Variants in ATP13A5 observed in about 807,000 individuals in gnomAD.
The protein encoded by ATP13A5 is ATPase 13A5, also known as probable cation-transporting ATPase 13A5.
ATP13A5 carries 149 observed loss-of-function variants against 150.2 expected under a neutral mutation model. The ratio of observed to expected loss-of-function variants is 0.99; its 90% CI spans 0.87 to 1.14. The LOEUF is 1.14. Ranked by LOEUF, ATP13A5 falls within the 50% of genes most tolerant of loss-of-function variation. The pLI, the probability that ATP13A5 is intolerant of heterozygous loss-of-function variation, is 0.00. For missense variants in ATP13A5, 1,383 were observed against 1,449.3 expected (o/e 0.95, Z 0.74); for synonymous variants, 497 against 522.2 (o/e 0.95, Z 0.66).
intron 9 of ATP13A5, among the ~76,000 whole-genome samples, chr3:193,341,713 T>A (rs1337423417): frequency 6.6e-6 from 1 of 152,218 alleles, no homozygotes; most frequent in Admixed American, 6.5e-5. Context: ...GACAACTGTC[T>A]GACTCATATT....
intron 27 of ATP13A5, 135 bp downstream of exon 27, chr3:193,284,779 T>A: frequency 1.3e-6 from 1 of 742,956 alleles, no homozygotes; most frequent in Non-Finnish European, 2.2e-6. Context: ...CGATGACCAC[T>A]GCATTCAACA....
intron 24 of ATP13A5, among the ~76,000 whole-genome samples, chr3:193,300,254 C>T (rs1718347835): frequency 6.6e-6 from 1 of 152,060 alleles, no homozygotes. Context: ...AAGAAATTTC[C>T]AACCGCAGCT....
rs1712087147 is a variant in ATP13A5 at position 193,340,783 on chromosome 3, T to C, written c.943+3144A>G. ...TCTTCTGTTTTCTTCATATAACTTA[T>C]AACTGTTGAAAATTTGTGTCATTTG... is the stretch of plus-strand genomic sequence containing the variant. On this transcript the variant is annotated intron_variant, in intron 9 of 29. Transcript: ENST00000342358. 2.0e-5 allele frequency among the ~76,000 whole-genome samples: 3 copies of C among 152,236 alleles called. No homozygotes were observed. The South Asian group carries it at 6.2e-4, about 31-fold the overall frequency.
intron 4 of ATP13A5, 21 bp downstream of exon 4, chr3:193,362,546 G>T (rs759845326): frequency 5.6e-6 from 9 of 1,613,876 alleles, no homozygotes. Context: ...TGACCAAGGG[G>T]TGACAAAACA....
chr3:193,318,352 T>A (rs1719129557), intron 17 of ATP13A5, among the ~76,000 whole-genome samples: 2 of 152,226 alleles, frequency 1.3e-5, no homozygotes, highest in Admixed American at 1.3e-4. Flanking sequence ...TTTTTACTCC[T>A]TTGTCATAGA....
intron 25 of ATP13A5, among the ~76,000 whole-genome samples, chr3:193,292,109 A>G (rs956873790): frequency 2.0e-5 from 3 of 151,896 alleles, no homozygotes; most frequent in Admixed American, 6.6e-5. Flanking sequence ...AGTTTGGCCT[A>G]ATTCTGGGTG....
intron 23 of ATP13A5, among the ~76,000 whole-genome samples, chr3:193,304,925 G>A (rs1289588189): frequency 2.6e-5 from 4 of 152,152 alleles, no homozygotes; most frequent in African/African-American, 4.8e-5. Flanking sequence ...GAGGAAGCAC[G>A]CAGGGGAAAC....
chr3:193,296,897 A>G (rs1363923350), intron 25 of ATP13A5, among the ~76,000 whole-genome samples: 1 of 152,080 alleles, frequency 6.6e-6, no homozygotes, highest in Admixed American at 6.6e-5. Flanking sequence ...TCTCACTTAT[A>G]AGTGGAGCTG....
intron 20 of ATP13A5, among the ~76,000 whole-genome samples, chr3:193,310,977 T>C (rs1373237069): frequency 6.6e-6 from 1 of 152,156 alleles, no homozygotes; most frequent in Non-Finnish European, 1.5e-5. Context: ...TCAATAATAC[T>C]ACAGTAACTA....
chr3:193,344,956 C>T (rs1260124462), intron 8 of ATP13A5, 47 bp downstream of exon 8: 2 of 1,500,444 alleles, frequency 1.3e-6, no homozygotes, highest in South Asian at 1.1e-5. Flanking sequence ...AGACCAATTC[C>T]CCCCTGAAAT....
At chr3:193,329,173 G>A (rs1458952001) in intron 12 of ATP13A5, among the ~76,000 whole-genome samples, 2 of 152,004 alleles carry the variant, frequency 1.3e-5, no homozygotes, top group East Asian at 1.9e-4. Context: ...CCCAGGATGC[G>A]GAGGCTGTAG....
In ATP13A5 at chr3:193,314,967, C is replaced by T; in HGVS notation, c.2158+5G>A. ...CTTGCCAGGCCCCTAGAAACAAATA[C>T]ATACCTGTAATCATCACAGTCCTGA... On this transcript the variant is annotated splice_donor_5th_base_variant and intron_variant, in intron 18 of 29. Transcript: ENST00000342358. The T allele has an allele frequency of 2.5e-6, 4 of 1,610,592 alleles. No homozygotes were observed. The highest frequency in any genetic ancestry group is 3.4e-6 in the Non-Finnish European group (4 of 1,177,826).
chr3:193,303,537 T>C (rs1031853624), intron 23 of ATP13A5, among the ~76,000 whole-genome samples: 3 of 152,128 alleles, frequency 2.0e-5, no homozygotes, highest in Admixed American at 2.0e-4. Context: ...TGTGTGTGTA[T>C]ATATGTTAAT....
At chr3:193,357,046 C>A (rs1022728186) in intron 5 of ATP13A5, among the ~76,000 whole-genome samples, 3 of 152,172 alleles carry the variant, frequency 2.0e-5, no homozygotes, top group Non-Finnish European at 4.4e-5. Flanking sequence ...AAACCCCTGA[C>A]CTCGTGATCC....
At chr3:193,334,636 G>C (rs1333588751) in intron 10 of ATP13A5, among the ~76,000 whole-genome samples, 1 of 152,128 alleles carries the variant, frequency 6.6e-6, no homozygotes, top group Non-Finnish European at 1.5e-5. Flanking sequence ...ACTCAGAGGA[G>C]GTGTCAAGGG....
intron 27 of ATP13A5, among the ~76,000 whole-genome samples, chr3:193,282,558 G>A (rs901230288): frequency 6.6e-6 from 1 of 152,078 alleles, no homozygotes; most frequent in African/African-American, 2.4e-5. Context: ...GTATTATTTA[G>A]CAGAGATGGG....
intron 7 of ATP13A5, among the ~76,000 whole-genome samples, chr3:193,349,697 C>T (rs7634207): frequency 0.54 from 82,299 of 151,984 alleles, 22,530 homozygotes; most frequent in African/African-American, 0.61. Context: ...ATCAATGAGA[C>T]CCGGTTTTTT....
chr3:193,285,114 T>C lies in ATP13A5; in HGVS notation c.3026A>G (p.Glu1009Gly). The change falls in exon 27 of 30, where the codon GAG becomes GGG. Residue 1009 changes from glutamate to glycine, a missense_variant and splice_region_variant. By Grantham distance (98) the Glu-to-Gly change is moderately conservative. Transcript: ENST00000342358. Reference sequence around the variant, plus strand: ...ATTACTTTGGTTGGCCAGAAAACACTCACTACAAAAGAATCACCAGTGTTT... The same window carrying C: ...ATTACTTTGGTTGGCCAGAAAACACCCACTACAAAAGAATCACCAGTGTTT... ...PWYCEVYQYS[E>G]CFLANQSNFS... is the part of the protein sequence containing the mutation. 6.2e-7 allele frequency: 1 copy of C among 1,613,214 alleles called. No individual in the cohort carries two copies.
At chr3:193,295,520 G>A (rs576163594) in intron 25 of ATP13A5, among the ~76,000 whole-genome samples, 1 of 152,008 alleles carries the variant, frequency 6.6e-6, no homozygotes, top group Non-Finnish European at 1.5e-5. Flanking sequence ...GTTCATGTAT[G>A]TGAATCCCCC....
Sources: gnomAD v4.1 joint callset for allele counts (sites outside exome capture counted in the v4.1 genomes callset) on GRCh38, gnomAD v4.1.1 for gene constraint, MANE v1.5 for transcripts, NCBI Gene and HGNC (gene_info 2026-07-23, HGNC 2026-07-21) for gene names.